Variants in MIB1 observed in about 807,000 individuals in gnomAD.
MIB1 encodes E3 ubiquitin-protein ligase MIB1.
MIB1 carries 278 observed loss-of-function variants against 124.5 expected under a neutral mutation model. The observed-to-expected ratio is 2.23, with a 90% CI of 2.02 to 2.47. The LOEUF (loss-of-function observed/expected upper bound fraction) is 2.47, where lower values mean the gene tolerates loss of function less well. Ranked by LOEUF, MIB1 falls within the 30% of genes most tolerant of loss-of-function variation. The pLI is 0.00. For missense variants in MIB1, 957 were observed against 1,254.4 expected (o/e 0.76, Z 3.58); for synonymous variants, 446 against 429.4 (o/e 1.04, Z -0.48).
At chr18:21,839,890 T>A (rs1399288790) in intron 13 of MIB1, among the ~76,000 whole-genome samples, 1 of 152,206 alleles carries the variant, frequency 6.6e-6, no homozygotes, top group East Asian at 1.9e-4. Context: ...TTGCGGATGT[T>A]ATTATAAATT....
intron 1 of MIB1, among the ~76,000 whole-genome samples, chr18:21,706,630 G>A (rs1006487525): frequency 8.5e-5 from 13 of 152,136 alleles, no homozygotes; most frequent in Admixed American, 2.0e-4. Context: ...TGGCACCGCC[G>A]GCCCTGGCCA....
rs1598645612 is a variant in MIB1, at chr18:21,857,263, C to T, written c.2779+20C>T. On this transcript the variant is annotated intron_variant, in intron 19 of 20. Transcript: ENST00000261537. Reference sequence around the variant, plus strand: ...ATATCTGTAAGTCGATTGTCTTAAGCATTTTCATATTTTGCTTTTTTTTGG... The same window carrying T: ...ATATCTGTAAGTCGATTGTCTTAAGTATTTTCATATTTTGCTTTTTTTTGG... 1.3e-6 allele frequency: 2 copies of T among 1,571,702 alleles called. No individual in the cohort carries two copies. The highest frequency in any genetic ancestry group is 1.8e-6 in the Non-Finnish European group (2 of 1,141,556).
chr18:21,732,335 A>G (rs1431431020), intron 1 of MIB1, among the ~76,000 whole-genome samples: 1 of 140,786 alleles, frequency 7.1e-6, no homozygotes, highest in Non-Finnish European at 1.5e-5. Flanking sequence ...CTAAAAAAAT[A>G]TATATATTAT....
intron 1 of MIB1, among the ~76,000 whole-genome samples, chr18:21,707,601 C>T (rs1204960631): frequency 6.6e-6 from 1 of 152,152 alleles, no homozygotes; most frequent in Non-Finnish European, 1.5e-5. Context: ...ACGAACCCAC[C>T]AGAAGGAAGA....
chr18:21,829,081 G>A (rs1463873956), intron 12 of MIB1: 1 of 463,780 alleles, frequency 2.2e-6, no homozygotes, highest in Middle Eastern at 4.6e-4. Context: ...TATGTACTCT[G>A]AGTAGGTATT....
intron 15 of MIB1, among the ~76,000 whole-genome samples, chr18:21,845,497 G>C (rs1162983726): frequency 6.6e-6 from 1 of 152,144 alleles, no homozygotes; most frequent in Non-Finnish European, 1.5e-5. Context: ...AGTTTTAGCT[G>C]TTATGTTTAG....
chr18:21,743,227 G>A (rs1431592603), intron 1 of MIB1, among the ~76,000 whole-genome samples: 1 of 152,204 alleles, frequency 6.6e-6, no homozygotes, highest in African/African-American at 2.4e-5. Context: ...AAGCATGTGT[G>A]TGACTATACT....
In MIB1 at chr18:21,772,089, A is replaced by G. The variant is rs531504976; in HGVS notation, c.532-1535A>G. 4.6e-5 allele frequency among the ~76,000 whole-genome samples: 7 copies of G among 152,360 alleles called. No individual in the cohort carries two copies. The East Asian group carries it at 1.3e-3, about 29-fold the overall frequency. On this transcript the variant is annotated intron_variant, in intron 3 of 20. Transcript: ENST00000261537. ...TTACTAACAATTTAAAATATGTTTC[A>G]AGTGATTCATTAGATCTTAAACATA...
At chr18:21,749,641 C>T (rs1473792596) in intron 1 of MIB1, among the ~76,000 whole-genome samples, 7 of 114,556 alleles carry the variant, frequency 6.1e-5, no homozygotes, top group East Asian at 2.5e-4. Flanking sequence ...CTACCTTACT[C>T]TTTTTTTTTT....
chr18:21,798,064 A>G lies in MIB1; in HGVS notation c.1093-20A>G, dbSNP rs760760377. On this transcript the variant is annotated intron_variant, in intron 7 of 20. Transcript: ENST00000261537. ...TATATACTTTAGACTTGGAAACATG[A>G]ATCTATTTTTTTCCCCAAGACTTTA... 43 of 1,611,408 alleles carry G rather than the reference A, an allele frequency of 2.7e-5. No homozygotes were observed. Among genetic ancestry groups the G allele is most frequent in the Admixed American group, 1.7e-4 (10 of 59,876 alleles).
chr18:21,803,804 G>A lies in MIB1; in HGVS notation c.1372-103G>A, dbSNP rs183722224. On this transcript the variant is annotated intron_variant, in intron 9 of 20. Transcript: ENST00000261537. ...TGGAACACCAACCTAAATTATTCTC[G>A]TGGAATCATACAGTATACTAGACTT... 2.2e-4 allele frequency: 161 copies of A among 735,434 alleles called. No homozygotes were observed. The East Asian group carries it at 4.2e-3, about 19-fold the overall frequency. 45.6% of individuals were successfully genotyped at this position (735,434 alleles called of 1,614,324 possible). A position where few individuals can be genotyped will look rare whatever the true frequency, so the allele number is the denominator to read the frequency against.
chr18:21,732,312 C>T lies in MIB1; in HGVS notation n.167+27189C>T, dbSNP rs983460184. 1.4e-4 allele frequency among the ~76,000 whole-genome samples: 21 copies of T among 146,868 alleles called. No homozygotes were observed. In the East Asian group the frequency reaches 4.4e-3, roughly 31 times the overall value. On this transcript the variant is annotated intron_variant and non_coding_transcript_variant, in intron 1 of 20. Transcript: ENST00000578646. The stretch of plus-strand genomic sequence containing the variant: ...CTCTGCACTCTAGCCTGGGCAACAG[C>T]GTAAGCCTCCATCTAAAAAAATATA...
intron 1 of MIB1, among the ~76,000 whole-genome samples, chr18:21,724,709 A>C (rs1260762549): frequency 1.7e-5 from 1 of 59,796 alleles, no homozygotes; most frequent in Non-Finnish European, 2.8e-5. Flanking sequence ...TGTCTCCCCC[A>C]TCCAAAAAAA....
intron 18 of MIB1, among the ~76,000 whole-genome samples, chr18:21,853,562 G>A (rs536793626): frequency 2.0e-5 from 3 of 152,080 alleles, no homozygotes; most frequent in African/African-American, 7.3e-5. Context: ...AAATTAGCAC[G>A]TCTTCATTTG....
intron 10 of MIB1, 100 bp from the exon 11 acceptor site, chr18:21,815,516 C>A: frequency 9.3e-7 from 1 of 1,072,032 alleles, no homozygotes; most frequent in Non-Finnish European, 1.3e-6. Flanking sequence ...CCTACATTGC[C>A]TTTTCTCAAA....
At chr18:21,847,597 G>T (rs2042146221) in intron 16 of MIB1, among the ~76,000 whole-genome samples, 1 of 152,074 alleles carries the variant, frequency 6.6e-6, no homozygotes, top group African/African-American at 2.4e-5. Context: ...CAGTAGCTGG[G>T]ACTGTATGCA....
At chr18:21,717,796 G>A (rs968992747) in intron 1 of MIB1, among the ~76,000 whole-genome samples, 21 of 152,176 alleles carry the variant, frequency 1.4e-4, no homozygotes, top group African/African-American at 4.8e-4. Context: ...CACTGCTGGT[G>A]GGAATGTAAA....
chr18:21,829,179 A>C, intron 12 of MIB1: 1 of 377,150 alleles, frequency 2.7e-6, no homozygotes, highest in Non-Finnish European at 5.1e-6. Flanking sequence ...AGCAATGGTA[A>C]ATCATTTGCA....
intron 12 of MIB1, among the ~76,000 whole-genome samples, chr18:21,833,920 C>T (rs987375899): frequency 6.6e-6 from 1 of 152,148 alleles, no homozygotes; most frequent in African/African-American, 2.4e-5. Context: ...TGGAAAACAA[C>T]CAAATTGAGC....
Sources: gnomAD v4.1 joint callset for allele counts (sites outside exome capture counted in the v4.1 genomes callset) on GRCh38, gnomAD v4.1.1 for gene constraint, MANE v1.5 for transcripts, NCBI Gene and HGNC (gene_info 2026-07-23, HGNC 2026-07-21) for gene names.